The following PVALB variants were observed in gnomAD, a reference collection of about 807,000 sequenced individuals.
PVALB encodes the protein parvalbumin alpha.
A neutral mutation model predicts 10.9 loss-of-function variants in PVALB; 11 were observed. The ratio of observed to expected loss-of-function variants is 1.01; its 90% CI spans 0.63 to 1.67. The LOEUF (loss-of-function observed/expected upper bound fraction) is 1.67, where lower values mean the gene tolerates loss of function less well. Among genes scored for constraint, PVALB ranks in the 40% most tolerant of loss-of-function variants. The pLI, the probability that PVALB is intolerant of heterozygous loss-of-function variation, is 0.00. For missense variants in PVALB, 131 were observed against 136.2 expected (o/e 0.96, Z 0.19); for synonymous variants, 57 against 50.7 (o/e 1.12, Z -0.53).
upstream of PVALB, chr22:36,817,342 T>C (rs73884024): frequency 0.13 from 27,394 of 206,112 alleles, 3,045 homozygotes; most frequent in African/African-American, 0.34. Flanking sequence ...ACCAGCTGGG[T>C]CTGGAAAGTC....
rs1042364512 is a variant in PVALB at position 36,816,852 on chromosome 22, G to T, written c.61+93C>A. On this transcript the variant is annotated intron_variant, in intron 1 of 3. Transcript: ENST00000417718. ...CGGGAAGTGTGGGCAGAAGCGCGCT[G>T]GGGAGGATCCGCCGGCTGCGGGGCC... is the stretch of plus-strand genomic sequence containing the variant. 9.5e-6 allele frequency: 11 copies of T among 1,155,922 alleles called. No homozygotes were observed. In the African/African-American group the frequency reaches 1.6e-4, roughly 17 times the overall value. The allele number at this position is 1,155,922 out of a possible 1,614,324, so 71.6% of individuals were successfully genotyped here. A position where few individuals can be genotyped will look rare whatever the true frequency, so the allele number is the denominator to read the frequency against.
intron 3 of PVALB, among the ~76,000 whole-genome samples, chr22:36,812,280 C>T (rs1939058608): frequency 6.6e-6 from 1 of 152,060 alleles, no homozygotes; most frequent in South Asian, 2.1e-4. Flanking sequence ...ACTCAGGCAG[C>T]GGATGTTTAT....
intron 3 of PVALB, among the ~76,000 whole-genome samples, chr22:36,802,603 C>CA (rs60843863): frequency 2.3e-3 from 63 of 27,770 alleles, no homozygotes; most frequent in South Asian, 7.6e-3. Context: ...CCATCTCACA[C>CA]AAAAAAAAAA....
upstream of PVALB, chr22:36,817,370 A>C: frequency 5.6e-6 from 1 of 180,024 alleles, no homozygotes; most frequent in Non-Finnish European, 1.2e-5. Flanking sequence ...CGTCAAGGAC[A>C]CGCAGGAGGT....
In PVALB at chr22:36,815,114, C is replaced by G. The variant is rs751213802; in HGVS notation, c.183G>C (p.Glu61Asp). Residue 61 changes from glutamate to aspartate, a missense_variant, in exon 2 of 4, where the codon GAG becomes GAC. Coordinates refer to ENST00000417718, the MANE Select transcript of PVALB (RefSeq NM_001315532.2). ...AGGCCTCCGCTTACCCCAGCTCATCCTCCTCGATGAAGCCACTTTTGTCCT... is the reference window on the plus strand; with the variant it reads ...AGGCCTCCGCTTACCCCAGCTCATCGTCCTCGATGAAGCCACTTTTGTCCT... ...LDKDKSGFIEEDELGFILKGF... is the reference protein window; with the variant it reads ...LDKDKSGFIEDDELGFILKGF... 1 of 1,614,134 alleles carries G rather than the reference C, an allele frequency of 6.2e-7. No individual in the cohort carries two copies. Among genetic ancestry groups the G allele is most frequent in the South Asian group, 1.1e-5 (1 of 91,078 alleles).
intron 3 of PVALB, among the ~76,000 whole-genome samples, chr22:36,807,429 T>C (rs112398834): frequency 1.2e-3 from 176 of 152,316 alleles, no homozygotes; most frequent in African/African-American, 3.1e-3. Flanking sequence ...CAAATCCCCA[T>C]AGAGGCCGGA....
chr22:36,803,737 G>T (rs1250540399), intron 3 of PVALB, among the ~76,000 whole-genome samples: 2 of 151,978 alleles, frequency 1.3e-5, no homozygotes, highest in East Asian at 3.9e-4. Flanking sequence ...GGGTGGATGG[G>T]ATAGCTCACG....
intron 3 of PVALB, among the ~76,000 whole-genome samples, chr22:36,801,195 A>G (rs1938857962): frequency 6.6e-6 from 1 of 152,114 alleles, no homozygotes; most frequent in African/African-American, 2.4e-5. Context: ...TAACAATAGC[A>G]ATAATAATAA....
chr22:36,812,819 T>A (rs1041441663), intron 3 of PVALB, among the ~76,000 whole-genome samples: 2 of 152,244 alleles, frequency 1.3e-5, no homozygotes, highest in Non-Finnish European at 2.9e-5. Flanking sequence ...ATGTCCTAGC[T>A]CTTTCAACTA....
intron 3 of PVALB, among the ~76,000 whole-genome samples, chr22:36,812,466 C>T (rs1939061296): frequency 6.6e-6 from 1 of 152,198 alleles, no homozygotes. Flanking sequence ...AAAAAATTAG[C>T]TAACAAATAC....
chr22:36,812,176 G>A (rs542035695), intron 3 of PVALB, among the ~76,000 whole-genome samples: 43 of 152,270 alleles, frequency 2.8e-4, no homozygotes, highest in Non-Finnish European at 3.7e-4. Flanking sequence ...CCCATTTGCC[G>A]GGCAAGGGAA....
At chr22:36,801,643 T>C (rs1938866439) in intron 3 of PVALB, among the ~76,000 whole-genome samples, 1 of 152,030 alleles carries the variant, frequency 6.6e-6, no homozygotes, top group South Asian at 2.1e-4. Flanking sequence ...CTACTGAAAA[T>C]GCAAAAATTA....
At chr22:36,801,510 G>T (rs1172165003) in intron 3 of PVALB, among the ~76,000 whole-genome samples, 1 of 152,214 alleles carries the variant, frequency 6.6e-6, no homozygotes, top group Non-Finnish European at 1.5e-5. Flanking sequence ...AAAATGCAGT[G>T]TTGTCTTGGC....
At chr22:36,818,230 A>G (rs1177066330), upstream of PVALB, among the ~76,000 whole-genome samples, 1 of 152,052 alleles carries the variant, frequency 6.6e-6, no homozygotes, top group Non-Finnish European at 1.5e-5. Context: ...GGTCCCATGT[A>G]GTGGGACCTG....
intron 3 of PVALB, among the ~76,000 whole-genome samples, chr22:36,812,030 C>CA (rs1485649220): frequency 9.2e-5 from 14 of 152,024 alleles, no homozygotes; most frequent in Admixed American, 2.6e-4. Flanking sequence ...ACAACAACAA[C>CA]AACAAAAAAA....
At chr22:36,812,409 G>A (rs919258066) in intron 3 of PVALB, among the ~76,000 whole-genome samples, 2 of 152,294 alleles carry the variant, frequency 1.3e-5, no homozygotes, top group East Asian at 1.9e-4. Flanking sequence ...TGGGTAGAAC[G>A]TGAAGATTCT....
Position 36,813,771 on chromosome 22 carries a change from G to C in PVALB, c.195-16C>G. ...TAGGATGAATCTGGAGGAGAAAAGG[G>C]AGAAAGCCGGTGAGGGAGTCAGGCC... is the stretch of plus-strand genomic sequence containing the variant. On this transcript the variant is annotated splice_polypyrimidine_tract_variant and intron_variant, in intron 2 of 3. Transcript: ENST00000417718. 2 of 1,594,124 alleles carry C rather than the reference G, an allele frequency of 1.3e-6. No individual in the cohort carries two copies. Among genetic ancestry groups the C allele is most frequent in the Non-Finnish European group, 1.7e-6 (2 of 1,161,928 alleles).
chr22:36,810,231 G>A (rs1222018192), intron 3 of PVALB, among the ~76,000 whole-genome samples: 8 of 152,206 alleles, frequency 5.3e-5, no homozygotes, highest in Non-Finnish European at 1.2e-4. Context: ...AGGGGCTCTG[G>A]GACATGCCCC....
At chr22:36,810,423 G>T (rs1249876551) in intron 3 of PVALB, among the ~76,000 whole-genome samples, 1 of 152,206 alleles carries the variant, frequency 6.6e-6, no homozygotes, top group East Asian at 1.9e-4. Context: ...TGCGTTAGGG[G>T]GTTGGGAGTG....
Sources: allele counts gnomAD v4.1 joint callset (sites outside exome capture counted in the v4.1 genomes callset), GRCh38; gene constraint gnomAD v4.1.1; transcripts MANE v1.5; gene names NCBI Gene and HGNC (gene_info 2026-07-23, HGNC 2026-07-21).